Variants in GOLGB1 observed in about 807,000 individuals in gnomAD.
GOLGB1 encodes the protein golgin subfamily B member 1.
A neutral mutation model predicts 336.9 loss-of-function variants in GOLGB1; 174 were observed. That is an observed-to-expected ratio of 0.52 (90% CI 0.46 to 0.59). The LOEUF is 0.59. Ranked by LOEUF, GOLGB1 falls within the 20% of genes least tolerant of loss-of-function variation. The pLI is 0.00. For missense variants in GOLGB1, 3,331 were observed against 3,645.3 expected, an observed-to-expected ratio of 0.91 and a Z score of 2.22; for synonymous variants, 1,208 against 1,289.2, an observed-to-expected ratio of 0.94 and a Z score of 1.35.
rs755054473 is a variant in GOLGB1 at position 121,694,034 on chromosome 3, T to C, written c.6489A>G (p.Thr2163=). The C allele has an allele frequency of 3.1e-6, 5 of 1,614,110 alleles. No individual in the cohort carries two copies. Among genetic ancestry groups the C allele is most frequent in the Non-Finnish European group, 4.2e-6 (5 of 1,179,970 alleles). ...TCAAAGTAACCTGAATCTCTCCAATTGTCTCTTCCAAGTGGACTTTTTCTC... is the reference window on the plus strand; with the variant it reads ...TCAAAGTAACCTGAATCTCTCCAATCGTCTCTTCCAAGTGGACTTTTTCTC... ...LRREKVHLEE[T]IGEIQVTLNK... The change falls in exon 13 of 22, where the codon ACA becomes ACG. Residue 2163 remains threonine (T), a synonymous_variant. Coordinates refer to ENST00000614479, the MANE Select transcript of GOLGB1 (RefSeq NM_001366282.2).
At chr3:121,688,955 AC>A (rs1391058746) in intron 14 of GOLGB1, among the ~76,000 whole-genome samples, 2 of 145,940 alleles carry the variant, frequency 1.4e-5, no homozygotes, top group African/African-American at 5.2e-5. Context: ...CCTGGCAACC[AC>A]CCCGTCTGGG....
At position 121,691,783 on chromosome 3, in the gene GOLGB1, G is replaced by A. The variant is rs1942446253; in HGVS notation, c.7581C>T (p.Leu2527=). The part of the protein sequence containing the change: ...IRGLRSHMDD[L]NSENAKLDAE... ...CATCTAGCTTGGCATTCTCAGAATT[G>A]AGATCATCCATATGACTTCTCAAGC... The change falls in exon 14 of 22, where the codon CTC becomes CTT. Residue 2527 remains leucine (L), a synonymous_variant. Transcript: ENST00000614479. The A allele has an allele frequency of 1.2e-6, 2 of 1,613,600 alleles. No homozygotes were observed. Among genetic ancestry groups the A allele is most frequent in the Admixed American group, 1.7e-5 (1 of 60,002 alleles).
At chr3:121,742,681 A>C (rs1946961112) in intron 1 of GOLGB1, among the ~76,000 whole-genome samples, 1 of 152,232 alleles carries the variant, frequency 6.6e-6, no homozygotes, top group African/African-American at 2.4e-5. Flanking sequence ...GTGAACAGGC[A>C]ACCTACAGAA....
intron 10 of GOLGB1, among the ~76,000 whole-genome samples, chr3:121,706,459 G>A (rs923667373): frequency 1.3e-5 from 2 of 151,954 alleles, no homozygotes; most frequent in Non-Finnish European, 2.9e-5. Context: ...TGCAAGGGCC[G>A]GGTGCAGTGG....
chr3:121,680,006 C>T (rs12695415), intron 15 of GOLGB1, among the ~76,000 whole-genome samples: 51,889 of 152,058 alleles, frequency 0.34, 9,515 homozygotes, highest in Non-Finnish European at 0.42. Context: ...GGAGGCTAAG[C>T]GGATAGCCTG....
chr3:121,681,247 G>A (rs1941037708), intron 15 of GOLGB1, among the ~76,000 whole-genome samples: 1 of 152,190 alleles, frequency 6.6e-6, no homozygotes, highest in South Asian at 2.1e-4. Context: ...CAAGATTCCA[G>A]TTAGAAAACA....
chr3:121,677,197 C>G, intron 16 of GOLGB1, 88 bp downstream of exon 16: 1 of 1,224,774 alleles, frequency 8.2e-7, no homozygotes, highest in Non-Finnish European at 1.2e-6. Flanking sequence ...TTCTGGGTAG[C>G]GTCTTAAAAA....
chr3:121,689,079 C>A (rs1472896916), intron 14 of GOLGB1, among the ~76,000 whole-genome samples: 1 of 144,434 alleles, frequency 6.9e-6, no homozygotes, highest in Non-Finnish European at 1.5e-5. Flanking sequence ...GGTCAGCCCC[C>A]CGCCCGGCCA....
Position 121,717,118 on chromosome 3 carries a change from G to A in GOLGB1, c.907C>T (p.Gln303Ter). 6.2e-7 allele frequency: 1 copy of A among 1,607,378 alleles called. No homozygotes were observed. Among genetic ancestry groups the A allele is most frequent in the Non-Finnish European group, 8.5e-7 (1 of 1,176,986 alleles). Reference protein sequence around the residue: ...RNQILSQQLQQMEAEHNTLRN... With the variant: ...RNQILSQQLQ ...AAAGTATTATGCTCAGCTTCCATCT[G>A]CTGTAACTGCTGAGAGAGAATCTAA... Residue 303 changes from glutamine (Q) to a stop codon, truncating the protein, a stop_gained, in exon 9 of 22, where the codon CAG (glutamine) becomes TAG (stop). Coordinates refer to ENST00000614479, the MANE Select transcript of GOLGB1 (RefSeq NM_001366282.2). LOFTEE classifies it high-confidence loss of function.
At chr3:121,708,753 G>A in intron 10 of GOLGB1, among the ~76,000 whole-genome samples, 1 of 152,236 alleles carries the variant, frequency 6.6e-6, no homozygotes, top group South Asian at 2.1e-4. Flanking sequence ...AGAAAAAGTT[G>A]TCAATAAATG....
chr3:121,691,249 T>C lies in GOLGB1; in HGVS notation c.8115A>G (p.Thr2705=). 1.2e-6 allele frequency: 2 copies of C among 1,614,056 alleles called. No homozygotes were observed. Among genetic ancestry groups the C allele is most frequent in the Non-Finnish European group, 1.7e-6 (2 of 1,180,024 alleles). Residue 2705 remains threonine, a synonymous_variant, in exon 14 of 22, where the codon ACA becomes ACG. Transcript: ENST00000614479. ...CTAGCTCTGCCACTCTCTCTTCTGC[T>C]GTTTCAGTTTCATTTCTCATTATCC... The part of the protein sequence containing the change: ...DAGIMRNETE[T]AEERVAELAR...
chr3:121,723,028 G>A (rs967974048), intron 5 of GOLGB1, among the ~76,000 whole-genome samples: 4 of 152,132 alleles, frequency 2.6e-5, no homozygotes, highest in Admixed American at 6.6e-5. Context: ...AAGAAACTGC[G>A]AGGAGTGAAA....
chr3:121,747,803 G>C (rs1028237046), intron 1 of GOLGB1, among the ~76,000 whole-genome samples: 1 of 152,004 alleles, frequency 6.6e-6, no homozygotes, highest in East Asian at 1.9e-4. Flanking sequence ...AAAAGAAAAA[G>C]ACTTTTTTTA....
chr3:121,672,067 T>C (rs999690136), intron 17 of GOLGB1, among the ~76,000 whole-genome samples: 7 of 152,230 alleles, frequency 4.6e-5, no homozygotes, highest in African/African-American at 1.7e-4. Context: ...ATTGATTCTA[T>C]GTTTTGTTTT....
chr3:121,712,436 T>TA (rs1182259935), intron 10 of GOLGB1, among the ~76,000 whole-genome samples: 1 of 150,040 alleles, frequency 6.7e-6, no homozygotes. Context: ...AAAAAAACAA[T>TA]AAAAAATGAT....
intron 17 of GOLGB1, among the ~76,000 whole-genome samples, chr3:121,673,690 T>C (rs1439960216): frequency 1.1e-5 from 1 of 92,644 alleles, no homozygotes; most frequent in African/African-American, 4.5e-5. Flanking sequence ...GGGATTGCTA[T>C]CTATCTATCT....
chr3:121,744,806 G>A (rs547282744), intron 1 of GOLGB1, among the ~76,000 whole-genome samples: 11 of 152,208 alleles, frequency 7.2e-5, no homozygotes, highest in South Asian at 4.2e-4. Context: ...CAGGACAAAA[G>A]GAGTCTCTCA....
At chr3:121,702,362 A>G in intron 11 of GOLGB1, 119 bp downstream of exon 11, 1 of 419,680 alleles carries the variant, frequency 2.4e-6, no homozygotes, top group South Asian at 6.8e-5. Flanking sequence ...CAGCTCTATT[A>G]TCTAAATCTT....
chr3:121,717,564 G>A (rs930702256), intron 8 of GOLGB1, among the ~76,000 whole-genome samples: 2 of 152,266 alleles, frequency 1.3e-5, no homozygotes, highest in African/African-American at 4.8e-5. Context: ...TGAAGATCAG[G>A]ACAATATGAG....
Sources: gnomAD v4.1 joint callset for allele counts (sites outside exome capture counted in the v4.1 genomes callset) on GRCh38, gnomAD v4.1.1 for gene constraint, MANE v1.5 for transcripts, NCBI Gene and HGNC (gene_info 2026-07-23, HGNC 2026-07-21) for gene names.